Variants in FBN2 observed in about 807,000 individuals in gnomAD.
The protein encoded by FBN2 is fibrillin-2.
FBN2 carries 105 observed loss-of-function variants against 355.6 expected under a neutral mutation model. The observed-to-expected ratio is 0.30, with a 90% confidence interval of 0.25 to 0.35. The LOEUF (loss-of-function observed/expected upper bound fraction) is 0.35, where lower values mean the gene tolerates loss of function less well. Among genes scored for constraint, FBN2 ranks in the 10% least tolerant of loss-of-function variants. The pLI is 1.00. For missense variants in FBN2, 3,280 were observed against 3,758.7 expected, an observed-to-expected ratio of 0.87 and a Z score of 3.33; for synonymous variants, 1,350 against 1,301.2, an observed-to-expected ratio of 1.04 and a Z score of -0.81.
At chr5:128,306,678 A>C (rs961320453) in intron 42 of FBN2, among the ~76,000 whole-genome samples, 14 of 152,224 alleles carry the variant, frequency 9.2e-5, no homozygotes, top group African/African-American at 3.4e-4. Flanking sequence ...TAGAGTGAGC[A>C]ACACAATGTA....
At chr5:128,336,233 A>T in intron 27 of FBN2, 120 bp from the exon 28 acceptor site, 2 of 916,380 alleles carry the variant, frequency 2.2e-6, no homozygotes, top group Non-Finnish European at 3.6e-6. Context: ...AGGAAGTAAA[A>T]TGTTCTCCTG....
At chr5:128,300,248 T>C (rs1338044755) in intron 48 of FBN2, among the ~76,000 whole-genome samples, 1 of 152,234 alleles carries the variant, frequency 6.6e-6, no homozygotes, top group Admixed American at 6.5e-5. Context: ...TAAAGTGAAC[T>C]GTAAAAAAGG....
intron 11 of FBN2, among the ~76,000 whole-genome samples, chr5:128,387,259 G>A (rs1752390970): frequency 6.6e-6 from 1 of 151,862 alleles, no homozygotes; most frequent in Non-Finnish European, 1.5e-5. Context: ...TAGTTTGTGT[G>A]CATAGAGGTG....
chr5:128,434,802 G>A (rs1481512617), intron 7 of FBN2, among the ~76,000 whole-genome samples: 1 of 152,002 alleles, frequency 6.6e-6, no homozygotes. Context: ...CTGAAAGGGA[G>A]GCAATATTTC....
At chr5:128,384,295 G>T (rs1752311748) in intron 11 of FBN2, among the ~76,000 whole-genome samples, 1 of 151,996 alleles carries the variant, frequency 6.6e-6, no homozygotes, top group African/African-American at 2.4e-5. Context: ...GCTGGGGATG[G>T]ATGAAAGGAG....
Position 128,537,708 on chromosome 5 carries a change from G to T in FBN2, c.-105C>A. 1.7e-6 allele frequency: 2 copies of T among 1,158,028 alleles called. No homozygotes were observed. Among genetic ancestry groups the T allele is most frequent in the Non-Finnish European group, 2.5e-6 (2 of 802,832 alleles). The allele number at this position is 1,158,028 out of a possible 1,614,324, so 71.7% of individuals were successfully genotyped here. ...GTCAGGGTCTAATAAGCCCTTCGTC[G>T]GCTCCGGGGACTCCCTCGGGCTCGG... On this transcript the variant is annotated 5_prime_UTR_variant, in exon 1 of 65. Transcript: ENST00000262464.
At position 128,510,264 on chromosome 5, in the gene FBN2, G is replaced by GA. The variant is rs550749710; in HGVS notation, c.628+9008dup. The stretch of plus-strand genomic sequence containing the variant: ...AGCTGATGACCAAAAAAAGAAAAAA[G>GA]AAAAAAAACCCTGATAATGGTTTAA... On this transcript the variant is annotated intron_variant, in intron 5 of 64. Coordinates refer to ENST00000262464, the MANE Select transcript of FBN2 (RefSeq NM_001999.4). 6.1e-4 allele frequency among the ~76,000 whole-genome samples: 92 copies of GA among 151,986 alleles called. No homozygotes were observed. In the South Asian group the frequency reaches 8.9e-3, roughly 15 times the overall value.
At chr5:128,324,224 C>A (rs1232411476) in intron 34 of FBN2, among the ~76,000 whole-genome samples, 1 of 152,060 alleles carries the variant, frequency 6.6e-6, no homozygotes, top group Non-Finnish European at 1.5e-5. Context: ...TTTTGTTAAT[C>A]TTTTCAGAAA....
chr5:128,453,622 A>T (rs530503152), intron 6 of FBN2, among the ~76,000 whole-genome samples: 5 of 151,882 alleles, frequency 3.3e-5, no homozygotes, highest in East Asian at 3.9e-4. Context: ...CCTTTTACTT[A>T]TGTTTTCTTT....
intron 48 of FBN2, among the ~76,000 whole-genome samples, chr5:128,298,060 T>C (rs1050736809): frequency 6.7e-6 from 1 of 150,286 alleles, no homozygotes; most frequent in African/African-American, 2.4e-5. Context: ...AGCATTTGCT[T>C]GTCTGTAAAG....
At chr5:128,316,329 A>G (rs1750200642) in intron 36 of FBN2, among the ~76,000 whole-genome samples, 2 of 152,228 alleles carry the variant, frequency 1.3e-5, no homozygotes, top group South Asian at 4.1e-4. Context: ...AGCTAGGATG[A>G]TAAAACGTCA....
At chr5:128,464,175 T>C (rs2127083159) in intron 6 of FBN2, among the ~76,000 whole-genome samples, 1 of 152,304 alleles carries the variant, frequency 6.6e-6, no homozygotes, top group East Asian at 1.9e-4. Context: ...ATCAGTGTCA[T>C]GAATGCAGTT....
At chr5:128,344,556 G>A (rs1455560581) in intron 24 of FBN2, 46 bp from the exon 25 acceptor site, 6 of 1,596,142 alleles carry the variant, frequency 3.8e-6, no homozygotes, top group Admixed American at 1.7e-5. Context: ...TGATATAAAC[G>A]ATTAGGTCCA....
chr5:128,350,578 A>G (rs1036568570), intron 21 of FBN2, among the ~76,000 whole-genome samples: 3 of 152,294 alleles, frequency 2.0e-5, no homozygotes, highest in African/African-American at 7.2e-5. Context: ...AAAAGATTTG[A>G]GGAAAACAGC....
At chr5:128,296,955 G>C (rs1277241937) in intron 48 of FBN2, among the ~76,000 whole-genome samples, 6 of 152,070 alleles carry the variant, frequency 3.9e-5, no homozygotes, top group Non-Finnish European at 7.4e-5. Flanking sequence ...GAACTTTCCT[G>C]CTTTCTCTTG....
In FBN2 at chr5:128,305,943, C is replaced by G; in HGVS notation, c.5428G>C (p.Asp1810His). 1 of 1,613,654 alleles carries G rather than the reference C, an allele frequency of 6.2e-7. No homozygotes were observed. Among genetic ancestry groups the G allele is most frequent in the Non-Finnish European group, 8.5e-7 (1 of 1,179,628 alleles). Residue 1810 changes from aspartate to histidine, a missense_variant, in exon 43 of 65, where the codon GAT becomes CAT. Coordinates refer to ENST00000262464, the MANE Select transcript of FBN2 (RefSeq NM_001999.4). Reference protein sequence around the residue: ...DIHTGKAVDIDECKEIPGICA... With the variant: ...DIHTGKAVDIHECKEIPGICA... ...ATGCCTGGAATCTCTTTACATTCAT[C>G]AATGTCTGAAATGGAACAGATTTGG...
intron 15 of FBN2, among the ~76,000 whole-genome samples, chr5:128,370,549 T>G (rs1310043086): frequency 6.6e-6 from 1 of 152,154 alleles, no homozygotes; most frequent in Non-Finnish European, 1.5e-5. Flanking sequence ...GTGGCTGAGT[T>G]TGGCAGTGTA....
chr5:128,342,854 G>T (rs779650203), intron 25 of FBN2, among the ~76,000 whole-genome samples: 1 of 151,754 alleles, frequency 6.6e-6, no homozygotes, highest in East Asian at 1.9e-4. Flanking sequence ...TCAGCCTCCC[G>T]AGTAGCTGGG....
chr5:128,376,923 AACCCCCAG>A, intron 13 of FBN2, 70 bp from the exon 14 acceptor site: 6 of 1,585,908 alleles, frequency 3.8e-6, no homozygotes, highest in Non-Finnish European at 5.2e-6. Flanking sequence ...TTCCATAAAC[AACCCCCAG>A]TCAAATTCCA....
Sources: gnomAD v4.1 joint callset for allele counts (sites outside exome capture counted in the v4.1 genomes callset) on GRCh38, gnomAD v4.1.1 for gene constraint, MANE v1.5 for transcripts, NCBI Gene and HGNC (gene_info 2026-07-23, HGNC 2026-07-21) for gene names.